The following MCF2L2 variants were observed in gnomAD, a reference collection of about 807,000 sequenced individuals.
The protein encoded by MCF2L2 is MCF.2 cell line derived transforming sequence-like 2, also known as probable guanine nucleotide exchange factor MCF2L2.
MCF2L2 carries 102 observed loss-of-function variants against 150.2 expected under a neutral mutation model. That is an observed-to-expected ratio of 0.68 (90% CI 0.58 to 0.80). The LOEUF is 0.80. MCF2L2 is among the 30% of genes least tolerant of loss of function. The probability of loss-of-function intolerance (pLI) is 0.00; values close to 1 mark genes in which losing one functional copy is unlikely to be tolerated. For missense variants in MCF2L2, 1,256 were observed against 1,372.8 expected (o/e 0.91, Z 1.34); for synonymous variants, 465 against 491.3 (o/e 0.95, Z 0.71).
intron 15 of MCF2L2, among the ~76,000 whole-genome samples, chr3:183,232,794 T>C (rs1723619243): frequency 6.6e-6 from 1 of 152,202 alleles, no homozygotes; most frequent in Non-Finnish European, 1.5e-5. Flanking sequence ...ACAATTTTCA[T>C]CTATTAGAAT....
intron 8 of MCF2L2, 149 bp downstream of exon 8, chr3:183,311,499 T>C (rs1729375606): frequency 1.2e-6 from 1 of 866,430 alleles, no homozygotes; most frequent in African/African-American, 1.7e-5. Flanking sequence ...GACGGACGTA[T>C]TCTTTTTTCC....
At chr3:183,260,737 A>T (rs1725508362) in intron 15 of MCF2L2, among the ~76,000 whole-genome samples, 1 of 152,226 alleles carries the variant, frequency 6.6e-6, no homozygotes, top group Admixed American at 6.5e-5. Flanking sequence ...GTGAGTTTAC[A>T]TAGGTGGAGA....
At chr3:183,244,513 C>T (rs1385976569) in intron 15 of MCF2L2, among the ~76,000 whole-genome samples, 4 of 152,164 alleles carry the variant, frequency 2.6e-5, no homozygotes, top group Admixed American at 2.6e-4. Flanking sequence ...TTCATATATT[C>T]ATCTATCCTA....
rs35802540 is a variant in MCF2L2, at chr3:183,183,917, AAC to A, written c.3017-3760_3017-3759del. Among the ~76,000 whole-genome samples, 27 of 151,108 alleles carry A rather than the reference AAC, an allele frequency of 1.8e-4. 1 individual carries two copies. Among genetic ancestry groups the A allele is most frequent in the African/African-American group, 5.1e-4 (21 of 41,286 alleles). On this transcript the variant is annotated intron_variant, in intron 27 of 29. Transcript: ENST00000328913. ...AATGGCTTTAAAAAGAAACAGAGCAAACACACACACACACACACCCCTCAGAA... is the reference window on the plus strand; with the variant it reads ...AATGGCTTTAAAAAGAAACAGAGCAAACACACACACACACACCCCTCAGAA...
At position 183,392,151 on chromosome 3, in the gene MCF2L2, A is replaced by G. The variant is rs143786963; in HGVS notation, c.77-2372T>C. Among the ~76,000 whole-genome samples, 65 of 152,362 alleles carry G rather than the reference A, an allele frequency of 4.3e-4. No individual in the cohort carries two copies. The East Asian group carries it at 0.012, about 27-fold the overall frequency. ...TGTCAATATTTGAGGTGTGCTTTAA[A>G]TTAAACATTTTAAAGATGTAAGATC... On this transcript the variant is annotated intron_variant, in intron 1 of 29. Coordinates refer to ENST00000328913, the MANE Select transcript of MCF2L2 (RefSeq NM_015078.4).
intron 15 of MCF2L2, chr3:183,273,086 C>A: frequency 7.1e-7 from 1 of 1,414,272 alleles, no homozygotes; most frequent in Non-Finnish European, 9.4e-7. Context: ...AGGGTTCCAA[C>A]CTTTTAAAAA....
chr3:183,427,293 T>C (rs1341279939), intron 1 of MCF2L2, among the ~76,000 whole-genome samples: 1 of 152,206 alleles, frequency 6.6e-6, no homozygotes, highest in Non-Finnish European at 1.5e-5. Flanking sequence ...AATGCATGTT[T>C]TGCTCCTCTT....
At chr3:183,269,484 C>T (rs1018049029) in intron 15 of MCF2L2, 4 of 270,476 alleles carry the variant, frequency 1.5e-5, no homozygotes, top group Admixed American at 1.0e-4. Flanking sequence ...CTTTTCTCTT[C>T]TTGACTGTGA....
chr3:183,353,343 T>A (rs1577084723), intron 3 of MCF2L2, among the ~76,000 whole-genome samples: 1 of 152,090 alleles, frequency 6.6e-6, no homozygotes, highest in Non-Finnish European at 1.5e-5. Flanking sequence ...AATGAAGGAA[T>A]CCCCTTCCAC....
intron 15 of MCF2L2, among the ~76,000 whole-genome samples, chr3:183,239,024 T>C (rs1011137872): frequency 2.7e-5 from 4 of 145,740 alleles, no homozygotes; most frequent in Admixed American, 1.4e-4. Context: ...AAAAAGACTC[T>C]CAAGGATTTA....
At chr3:183,206,022 C>T in intron 24 of MCF2L2, 68 bp from the exon 25 acceptor site, 1 of 1,557,418 alleles carries the variant, frequency 6.4e-7, no homozygotes, top group Non-Finnish European at 8.9e-7. Flanking sequence ...TTTATTCTCC[C>T]AGTGACCGTT....
At chr3:183,390,886 G>C (rs748205115) in intron 1 of MCF2L2, among the ~76,000 whole-genome samples, 9 of 152,062 alleles carry the variant, frequency 5.9e-5, no homozygotes, top group Non-Finnish European at 1.2e-4. Context: ...AACAGATGGA[G>C]ACCCTGTCTC....
intron 1 of MCF2L2, among the ~76,000 whole-genome samples, chr3:183,417,393 AAAGTTGT>A (rs1301334829): frequency 6.6e-6 from 1 of 152,208 alleles, no homozygotes; most frequent in African/African-American, 2.4e-5. Flanking sequence ...GTACAGTCAA[AAAGTTGT>A]AAGTTGAATC....
intron 2 of MCF2L2, among the ~76,000 whole-genome samples, chr3:183,385,145 A>G (rs1051062611): frequency 3.9e-5 from 6 of 152,250 alleles, no homozygotes; most frequent in African/African-American, 1.4e-4. Flanking sequence ...ACATGTGGAA[A>G]TATTATTTTA....
rs1723373731 is a variant in MCF2L2 at position 183,227,184 on chromosome 3, C to G, written c.2115+1113G>C. On this transcript the variant is annotated intron_variant, in intron 18 of 29. Coordinates refer to ENST00000328913, the MANE Select transcript of MCF2L2 (RefSeq NM_015078.4). This position sits in a 1 kb window ranked among gnomAD's most constrained non-coding sequence, Gnocchi z 4.0. ...TTGAGAAAGAGAGGAGAAATGAGAA[C>G]TATTTAGAAGGCACAGGGGGTCAGG... 1 of 152,120 alleles carries G rather than the reference C, an allele frequency of 6.6e-6. No homozygotes were observed. Among genetic ancestry groups the G allele is most frequent in the Non-Finnish European group, 1.5e-5 (1 of 68,032 alleles). The allele number at this position is 152,120 out of a possible 1,614,324, so 9.4% of individuals were successfully genotyped here. A position where few individuals can be genotyped will look rare whatever the true frequency, so the allele number is the denominator to read the frequency against.
chr3:183,344,768 G>A (rs192030228), intron 3 of MCF2L2, among the ~76,000 whole-genome samples: 1 of 152,094 alleles, frequency 6.6e-6, no homozygotes, highest in African/African-American at 2.4e-5. Context: ...AAAGACAGGG[G>A]TTGCAATCCT....
chr3:183,300,070 T>C lies in MCF2L2; in HGVS notation c.1240A>G (p.Asn414Asp), dbSNP rs74891431. The C allele has an allele frequency of 6.1e-4, 989 of 1,613,956 alleles. 7 individuals are homozygous for C. In the African/African-American group the frequency reaches 0.012, roughly 20 times the overall value. ...ELRHLCDDFI[N>D]GNKKKWDILG... The stretch of plus-strand genomic sequence containing the variant: ...ATGTCCCATTTTTTCTTGTTTCCAT[T>C]GATGAAATCGTCACAGAGGTGCCTG... Residue 414 changes from asparagine (N) to aspartate (D), a missense_variant, in exon 11 of 30, where the codon AAT (asparagine) becomes GAT (aspartate). Asn to Asp is a conservative substitution (Grantham distance 23). Transcript: ENST00000328913.
chr3:183,312,353 C>T (rs1039582342), intron 7 of MCF2L2, among the ~76,000 whole-genome samples: 7 of 152,192 alleles, frequency 4.6e-5, no homozygotes, highest in African/African-American at 1.7e-4. Flanking sequence ...ACTCTTTTAA[C>T]AGAGACTTAG....
intron 15 of MCF2L2, among the ~76,000 whole-genome samples, chr3:183,250,039 A>G (rs897532263): frequency 2.0e-5 from 3 of 152,290 alleles, no homozygotes; most frequent in African/African-American, 7.2e-5. Context: ...CCCTCCCCAC[A>G]GCTAGTTGAG....
Sources: allele counts gnomAD v4.1 joint callset (sites outside exome capture counted in the v4.1 genomes callset), GRCh38; gene constraint gnomAD v4.1.1; non-coding constraint Gnocchi (gnomAD v3.1); transcripts MANE v1.5; gene names NCBI Gene and HGNC (gene_info 2026-07-23, HGNC 2026-07-21).